RNF38: variants seen among roughly 807,000 people sequenced by gnomAD.
RNF38 encodes E3 ubiquitin-protein ligase RNF38.
Under a neutral mutation model 67.2 loss-of-function variants are expected in RNF38, and 15 were observed. The ratio of observed to expected loss-of-function variants is 0.22; its 90% CI spans 0.15 to 0.34. RNF38 has a LOEUF of 0.34. RNF38 is among the 10% of genes least tolerant of loss of function. The pLI is 1.00. For missense variants in RNF38, 524 were observed against 639.9 expected (o/e 0.82, Z 1.95); for synonymous variants, 220 against 218.8 (o/e 1.01, Z -0.05).
intron 6 of RNF38, 28 bp from the exon 7 acceptor site, chr9:36,353,359 T>C (rs1833846006): frequency 7.0e-7 from 1 of 1,420,276 alleles, no homozygotes; most frequent in Non-Finnish European, 9.5e-7. Flanking sequence ...AAAACACATA[T>C]ATGTATATAT....
intron 1 of RNF38, among the ~76,000 whole-genome samples, chr9:36,453,541 A>G (rs891697680): frequency 3.8e-4 from 58 of 151,818 alleles, no homozygotes; most frequent in African/African-American, 1.4e-3. Flanking sequence ...CGCTGCCACG[A>G]CTGGCTAATT....
At chr9:36,487,651 A>C, upstream of RNF38, 1 of 854,376 alleles carries the variant, frequency 1.2e-6, no homozygotes, top group Non-Finnish European at 1.4e-6. Context: ...GGTGGCGGCG[A>C]CGGAGGCGGC....
intron 9 of RNF38, among the ~76,000 whole-genome samples, chr9:36,348,626 A>C (rs920854555): frequency 6.6e-6 from 1 of 152,218 alleles, no homozygotes; most frequent in African/African-American, 2.4e-5. Context: ...TTTAGCCAAA[A>C]CCTAATCCAG....
chr9:36,475,424 T>C (rs1441675751), intron 1 of RNF38, among the ~76,000 whole-genome samples: 1 of 151,724 alleles, frequency 6.6e-6, no homozygotes, highest in African/African-American at 2.4e-5. Flanking sequence ...AGTGGCATCA[T>C]CTCAGCTCCT....
intron 1 of RNF38, among the ~76,000 whole-genome samples, chr9:36,450,072 T>C (rs1421417401): frequency 6.6e-6 from 1 of 152,230 alleles, no homozygotes; most frequent in African/African-American, 2.4e-5. Context: ...TTTTTTATTG[T>C]GGTAGAATAT....
chr9:36,430,831 G>C (rs1447657887), intron 1 of RNF38, among the ~76,000 whole-genome samples: 1 of 151,398 alleles, frequency 6.6e-6, no homozygotes, highest in Non-Finnish European at 1.5e-5. Flanking sequence ...ACAAAAATCT[G>C]GCCCTAATGA....
At chr9:36,400,452 G>A (rs986557420), upstream of RNF38, 11 of 1,063,902 alleles carry the variant, frequency 1.0e-5, no homozygotes, top group Non-Finnish European at 1.3e-5. Context: ...GGGCGGCCGA[G>A]GCAAACCTTA....
chr9:36,473,690 A>T lies in RNF38; in HGVS notation n.241+13618T>A, dbSNP rs533281114. 7.5e-4 allele frequency among the ~76,000 whole-genome samples: 114 copies of T among 152,200 alleles called. 2 individuals carry two copies. In the South Asian group the frequency reaches 0.022, roughly 30 times the overall value. ...GATGTGACCAAGTAATGAATGATTT[A>T]AAAACTCAATTTTTGTCCAGGCGCG... On this transcript the variant is annotated intron_variant and non_coding_transcript_variant, in intron 1 of 3. Coordinates refer to the RNF38 transcript ENST00000488058.
intron 4 of RNF38, 32 bp from the exon 5 acceptor site, chr9:36,357,974 A>T (rs1319705764): frequency 1.8e-5 from 29 of 1,584,130 alleles, no homozygotes; most frequent in Non-Finnish European, 2.5e-5. Context: ...AACAAACTTT[A>T]GCTGTTTAGA....
chr9:36,385,320 G>GC (rs1472369630), intron 2 of RNF38, among the ~76,000 whole-genome samples: 1 of 151,006 alleles, frequency 6.6e-6, no homozygotes, highest in East Asian at 1.9e-4. Flanking sequence ...AGCCAAACTT[G>GC]CACCAAAAAG....
chr9:36,411,948 C>T (rs1838337258), intron 2 of RNF38, among the ~76,000 whole-genome samples: 2 of 152,230 alleles, frequency 1.3e-5, no homozygotes, highest in East Asian at 1.9e-4. Flanking sequence ...TGAGGACCTG[C>T]TAACTGAAAT....
chr9:36,418,251 G>C (rs780381792), intron 2 of RNF38, among the ~76,000 whole-genome samples: 52 of 151,986 alleles, frequency 3.4e-4, no homozygotes, highest in Non-Finnish European at 6.8e-4. Flanking sequence ...TGGTCAGCTG[G>C]TCTCAAACTC....
chr9:36,429,481 T>C (rs967680989), intron 1 of RNF38, among the ~76,000 whole-genome samples: 2 of 152,168 alleles, frequency 1.3e-5, no homozygotes, highest in African/African-American at 4.8e-5. Context: ...TTGTAATACC[T>C]AATACAATGT....
Position 36,337,900 on chromosome 9 carries a change from A to G in RNF38, c.*1852T>C, listed in dbSNP as rs1432171609. Reference sequence around the variant, plus strand: ...ACTTGTAGGACTAGATAGAGGCAACAATGTCTCGCAAAGGGCAAAATTGTG... The same window carrying G: ...ACTTGTAGGACTAGATAGAGGCAACGATGTCTCGCAAAGGGCAAAATTGTG... On this transcript the variant is annotated 3_prime_UTR_variant, in exon 12 of 12. Coordinates refer to ENST00000259605, the MANE Select transcript of RNF38 (RefSeq NM_022781.5). 2.6e-5 allele frequency: 4 copies of G among 152,648 alleles called. No homozygotes were observed. The East Asian group carries it at 7.7e-4, about 29-fold the overall frequency. The allele number at this position is 152,648 out of a possible 1,614,324, so 9.5% of individuals were successfully genotyped here.
At chr9:36,461,443 G>A (rs1332578040) in intron 1 of RNF38, among the ~76,000 whole-genome samples, 3 of 152,168 alleles carry the variant, frequency 2.0e-5, no homozygotes, top group Non-Finnish European at 4.4e-5. Context: ...GAACAAGAGT[G>A]TTCTATGCAG....
intron 1 of RNF38, among the ~76,000 whole-genome samples, chr9:36,458,050 C>T (rs975612784): frequency 4.6e-5 from 7 of 152,210 alleles, no homozygotes; most frequent in African/African-American, 1.7e-4. Context: ...GGAGGTAAGG[C>T]AGTCCATTGA....
chr9:36,346,371 A>G (rs1445232693), intron 9 of RNF38, among the ~76,000 whole-genome samples: 1 of 152,008 alleles, frequency 6.6e-6, no homozygotes, highest in East Asian at 1.9e-4. Flanking sequence ...TTTATTTTTT[A>G]GTAGAGACAG....
intron 1 of RNF38, among the ~76,000 whole-genome samples, chr9:36,393,464 TCA>T (rs1345955223): frequency 1.8e-5 from 2 of 110,430 alleles, no homozygotes; most frequent in African/African-American, 6.5e-5. Flanking sequence ...TAAAATAAAA[TCA>T]CACACACACA....
chr9:36,373,738 G>C (rs1185022299), intron 3 of RNF38, among the ~76,000 whole-genome samples: 1 of 152,028 alleles, frequency 6.6e-6, no homozygotes, highest in Non-Finnish European at 1.5e-5. Flanking sequence ...GCCTCCCAAA[G>C]CGCTGGGATT....
Sources: allele counts gnomAD v4.1 joint callset (sites outside exome capture counted in the v4.1 genomes callset), GRCh38; gene constraint gnomAD v4.1.1; transcripts MANE v1.5; gene names NCBI Gene and HGNC (gene_info 2026-07-23, HGNC 2026-07-21).